The following PPP3CA variants were observed in gnomAD, a reference collection of about 807,000 sequenced individuals.
PPP3CA encodes the protein protein phosphatase 3 catalytic subunit alpha, also known as CAM-PRP catalytic subunit.
Under a neutral mutation model 66.5 loss-of-function variants are expected in PPP3CA, and 14 were observed. The ratio of observed to expected loss-of-function variants is 0.21; its 90% CI spans 0.14 to 0.33. The LOEUF is 0.33. Among genes scored for constraint, PPP3CA ranks in the 10% least tolerant of loss-of-function variants. The probability of loss-of-function intolerance (pLI) is 1.00; values close to 1 mark genes in which losing one functional copy is unlikely to be tolerated. For synonymous variants in PPP3CA, 232 were observed against 226.2 expected, an observed-to-expected ratio of 1.03 and a Z score of -0.23; for missense variants, 317 against 639.5, an observed-to-expected ratio of 0.50 and a Z score of 5.44.
intron 2 of PPP3CA, among the ~76,000 whole-genome samples, chr4:101,116,864 C>T (rs942626006): frequency 6.6e-6 from 1 of 151,644 alleles, no homozygotes; most frequent in African/African-American, 2.4e-5. Flanking sequence ...GAATTATTAA[C>T]CAGGTCATTC....
intron 2 of PPP3CA, among the ~76,000 whole-genome samples, chr4:101,180,815 C>T (rs972265146): frequency 6.6e-6 from 1 of 152,044 alleles, no homozygotes; most frequent in Non-Finnish European, 1.5e-5. Context: ...GGGAGGAACA[C>T]TTGTGGCCAG....
chr4:101,135,653 A>G (rs1722598723), intron 2 of PPP3CA, among the ~76,000 whole-genome samples: 1 of 152,208 alleles, frequency 6.6e-6, no homozygotes, highest in Non-Finnish European at 1.5e-5. Flanking sequence ...GTTAAAAGGA[A>G]GCCCACTTAG....
intron 1 of PPP3CA, among the ~76,000 whole-genome samples, chr4:101,285,018 C>T (rs1035082350): frequency 3.3e-5 from 5 of 151,976 alleles, no homozygotes; most frequent in African/African-American, 7.3e-5. Context: ...TCTTAAGAAA[C>T]GTATTGTTTC....
chr4:101,255,078 A>G (rs1726798635), intron 1 of PPP3CA, among the ~76,000 whole-genome samples: 1 of 150,970 alleles, frequency 6.6e-6, no homozygotes, highest in Admixed American at 6.6e-5. Flanking sequence ...CCAGGACAAG[A>G]TGTAAAGTTA....
intron 2 of PPP3CA, among the ~76,000 whole-genome samples, chr4:101,154,212 A>G (rs537053835): frequency 6.6e-6 from 1 of 152,290 alleles, no homozygotes; most frequent in Non-Finnish European, 1.5e-5. Flanking sequence ...AAAAACTGTG[A>G]ATGGTCCTGT....
At chr4:101,198,142 G>C (rs1327082101) in intron 1 of PPP3CA, among the ~76,000 whole-genome samples, 1 of 152,088 alleles carries the variant, frequency 6.6e-6, no homozygotes, top group Non-Finnish European at 1.5e-5. Context: ...TAAACAAGGA[G>C]GGGAGAAAAA....
At chr4:101,098,896 G>A (rs1053350014) in intron 4 of PPP3CA, among the ~76,000 whole-genome samples, 15 of 152,134 alleles carry the variant, frequency 9.9e-5, no homozygotes, top group Admixed American at 6.5e-4. Context: ...AAAAGCAGAT[G>A]GCAAGACATT....
chr4:101,287,180 TGACA>T, intron 1 of PPP3CA, among the ~76,000 whole-genome samples: 1 of 152,252 alleles, frequency 6.6e-6, no homozygotes, highest in South Asian at 2.1e-4. Context: ...ACCCAGTAAC[TGACA>T]GACAAAAAAA....
intron 1 of PPP3CA, among the ~76,000 whole-genome samples, chr4:101,259,089 C>CT (rs1462578967): frequency 6.6e-6 from 1 of 152,122 alleles, no homozygotes; most frequent in East Asian, 1.9e-4. Flanking sequence ...ACTTTTATTG[C>CT]TGCAAGCACT....
At chr4:101,236,276 T>C (rs1726127902) in intron 1 of PPP3CA, among the ~76,000 whole-genome samples, 1 of 110,496 alleles carries the variant, frequency 9.1e-6, no homozygotes, top group Non-Finnish European at 2.4e-5. Flanking sequence ...ATCTGAAGGA[T>C]GAGAAAAACA....
chr4:101,077,704 G>GA, intron 8 of PPP3CA, among the ~76,000 whole-genome samples: 1 of 151,974 alleles, frequency 6.6e-6, no homozygotes, highest in Non-Finnish European at 1.5e-5. Flanking sequence ...TTTCTTTTAT[G>GA]AAGGGGTTCC....
At chr4:101,132,406 G>T (rs1224206154) in intron 2 of PPP3CA, among the ~76,000 whole-genome samples, 1 of 152,066 alleles carries the variant, frequency 6.6e-6, no homozygotes, top group Non-Finnish European at 1.5e-5. Context: ...ACTAAAAAAT[G>T]ATAAAGGGGT....
chr4:101,194,567 A>AT (rs890358479), intron 2 of PPP3CA, among the ~76,000 whole-genome samples: 28 of 151,424 alleles, frequency 1.8e-4, no homozygotes, highest in Admixed American at 1.2e-3. Context: ...ATACTATACA[A>AT]TTTTTTTTTC....
intron 1 of PPP3CA, among the ~76,000 whole-genome samples, chr4:101,299,549 T>C (rs1728309768): frequency 6.6e-6 from 1 of 152,094 alleles, no homozygotes; most frequent in African/African-American, 2.4e-5. Flanking sequence ...CTGTCCTATA[T>C]GGGGTCTGTC....
chr4:101,321,272 A>G (rs150628767), intron 1 of PPP3CA, among the ~76,000 whole-genome samples: 4 of 152,334 alleles, frequency 2.6e-5, no homozygotes, highest in African/African-American at 9.6e-5. Flanking sequence ...AAATTAACCC[A>G]AAATAAAAAG....
chr4:101,137,065 C>A (rs1328098448), intron 2 of PPP3CA, among the ~76,000 whole-genome samples: 1 of 152,048 alleles, frequency 6.6e-6, no homozygotes, highest in Non-Finnish European at 1.5e-5. Flanking sequence ...TAAAAAAGTG[C>A]ACCTTAGAAT....
intron 1 of PPP3CA, among the ~76,000 whole-genome samples, chr4:101,218,508 C>A (rs148958090): frequency 6.6e-6 from 1 of 152,050 alleles, no homozygotes; most frequent in East Asian, 1.9e-4. Context: ...GTTGTTGTTA[C>A]ACCCAAGTTT....
intron 10 of PPP3CA, among the ~76,000 whole-genome samples, chr4:101,056,795 C>T (rs1045538125): frequency 5.4e-5 from 8 of 149,206 alleles, no homozygotes; most frequent in Admixed American, 1.3e-4. Context: ...GACAGGGTGC[C>T]GCAATTGGAA....
intron 10 of PPP3CA, among the ~76,000 whole-genome samples, chr4:101,052,693 A>T (rs1728063508): frequency 6.6e-6 from 1 of 152,056 alleles, no homozygotes; most frequent in East Asian, 1.9e-4. Context: ...TACCCTAATT[A>T]CATCAGGCAA....
Sources: allele counts gnomAD v4.1 joint callset (sites outside exome capture counted in the v4.1 genomes callset), GRCh38; gene constraint gnomAD v4.1.1; transcripts MANE v1.5; gene names NCBI Gene and HGNC (gene_info 2026-07-23, HGNC 2026-07-21).